TTC7A: variants seen among roughly 807,000 people sequenced by gnomAD.
TTC7A encodes tetratricopeptide repeat protein 7A.
Under a neutral mutation model 103.7 loss-of-function variants are expected in TTC7A, and 110 were observed. The ratio of observed to expected loss-of-function variants is 1.06; its 90% confidence interval spans 0.91 to 1.24. TTC7A has a LOEUF of 1.24. Ranked by LOEUF, TTC7A falls within the 50% of genes most tolerant of loss-of-function variation. TTC7A has a pLI of 0.00. For synonymous variants in TTC7A, 521 were observed against 467.9 expected, an observed-to-expected ratio of 1.11 and a Z score of -1.47; for missense variants, 1,340 against 1,116.3, an observed-to-expected ratio of 1.20 and a Z score of -2.86.
chr2:47,061,997 C>A (rs1198155602), intron 19 of TTC7A, among the ~76,000 whole-genome samples: 1 of 152,192 alleles, frequency 6.6e-6, no homozygotes, highest in African/African-American at 2.4e-5. Context: ...GTATCCCTGA[C>A]GTCTTCTGGC....
chr2:46,966,902 T>G (rs1672905001), intron 3 of TTC7A, among the ~76,000 whole-genome samples: 1 of 150,770 alleles, frequency 6.6e-6, no homozygotes, highest in Admixed American at 6.6e-5. Context: ...TGTTTTTTGT[T>G]TTTTTTTTTT....
At chr2:46,926,070 G>A (rs1157088398) in intron 2 of TTC7A, among the ~76,000 whole-genome samples, 2 of 152,132 alleles carry the variant, frequency 1.3e-5, no homozygotes, top group South Asian at 2.1e-4. Flanking sequence ...TCTTATTTCT[G>A]TGTCTGTTTT....
At chr2:46,973,171 G>C (rs1343677922) in intron 3 of TTC7A, among the ~76,000 whole-genome samples, 1 of 152,156 alleles carries the variant, frequency 6.6e-6, no homozygotes, top group Non-Finnish European at 1.5e-5. Context: ...TTAAATCCAA[G>C]GCCCAGGAGC....
At chr2:47,069,458 C>A (rs1280903125) in intron 19 of TTC7A, among the ~76,000 whole-genome samples, 1 of 152,288 alleles carries the variant, frequency 6.6e-6, no homozygotes, top group Non-Finnish European at 1.5e-5. Flanking sequence ...TGAGTCTGGG[C>A]TCTTCTCAGC....
At chr2:46,929,247 G>A (rs1488868049) in intron 2 of TTC7A, among the ~76,000 whole-genome samples, 1 of 152,144 alleles carries the variant, frequency 6.6e-6, no homozygotes, top group Non-Finnish European at 1.5e-5. Flanking sequence ...ACTTTGGGAA[G>A]CTAAGGTAGG....
chr2:46,954,422 T>C (rs1671666404), intron 2 of TTC7A, among the ~76,000 whole-genome samples: 1 of 152,116 alleles, frequency 6.6e-6, no homozygotes, highest in South Asian at 2.1e-4. Flanking sequence ...CAGAGTGCAG[T>C]GGACTCTTAA....
chr2:46,920,999 C>T (rs1333499490), intron 2 of TTC7A, among the ~76,000 whole-genome samples: 2 of 151,232 alleles, frequency 1.3e-5, no homozygotes, highest in Non-Finnish European at 2.9e-5. Context: ...TTTCAGCAAA[C>T]TGAGAATAGA....
chr2:47,067,271 G>A (rs1212503447), intron 19 of TTC7A, among the ~76,000 whole-genome samples: 2 of 152,246 alleles, frequency 1.3e-5, no homozygotes, highest in Non-Finnish European at 2.9e-5. Context: ...TCAAGGAGCA[G>A]TTTTAGGGCT....
intron 1 of TTC7A, among the ~76,000 whole-genome samples, chr2:46,945,527 C>T (rs1670860098): frequency 1.3e-5 from 2 of 152,180 alleles, no homozygotes; most frequent in African/African-American, 4.8e-5. Context: ...GGATTACGGG[C>T]GTGAGCCACC....
intron 18 of TTC7A, among the ~76,000 whole-genome samples, chr2:47,054,878 G>T (rs1033642482): frequency 1.3e-5 from 2 of 151,368 alleles, no homozygotes; most frequent in Non-Finnish European, 2.9e-5. Context: ...GCTAGAAGAA[G>T]GGGAGAATAC....
intron 3 of TTC7A, among the ~76,000 whole-genome samples, chr2:46,971,250 G>A (rs1271272648): frequency 2.6e-5 from 4 of 152,242 alleles, no homozygotes; most frequent in Non-Finnish European, 4.4e-5. Flanking sequence ...GGGGCTTAAA[G>A]GAGGAATGTT....
At chr2:47,065,734 G>T (rs968535973) in intron 19 of TTC7A, 1 of 152,210 alleles carries the variant, frequency 6.6e-6, no homozygotes, top group Non-Finnish European at 1.5e-5. Flanking sequence ...CCTGAAGAAG[G>T]TCCTAGCCCT....
At chr2:46,945,537 C>T (rs1475364817) in intron 1 of TTC7A, among the ~76,000 whole-genome samples, 2 of 152,204 alleles carry the variant, frequency 1.3e-5, no homozygotes, top group Admixed American at 6.5e-5. Flanking sequence ...CGTGAGCCAC[C>T]GTGCCCAGCT....
intron 3 of TTC7A, among the ~76,000 whole-genome samples, chr2:46,965,379 A>G (rs1210063927): frequency 2.0e-5 from 3 of 152,114 alleles, no homozygotes; most frequent in African/African-American, 7.2e-5. Context: ...TGTGCCTCAC[A>G]TGGACAGGAG....
intron 14 of TTC7A, among the ~76,000 whole-genome samples, chr2:47,024,681 TC>T (rs1375213695): frequency 6.6e-6 from 1 of 152,084 alleles, no homozygotes; most frequent in Non-Finnish European, 1.5e-5. Flanking sequence ...CACTGGCTTT[TC>T]CCCAAGGGTC....
intron 4 of TTC7A, among the ~76,000 whole-genome samples, 198 bp downstream of exon 4, chr2:46,975,301 A>T (rs987953038): frequency 6.6e-6 from 1 of 152,202 alleles, no homozygotes; most frequent in Admixed American, 6.5e-5. Context: ...TTACTGGAAA[A>T]TAGTTTGATA....
At chr2:46,932,230 A>T (rs960074062) in intron 2 of TTC7A, among the ~76,000 whole-genome samples, 3 of 151,754 alleles carry the variant, frequency 2.0e-5, no homozygotes, top group African/African-American at 7.3e-5. Context: ...GCTCACTGCA[A>T]CCTCTTCCTC....
intron 14 of TTC7A, among the ~76,000 whole-genome samples, chr2:47,027,206 T>C (rs1680012252): frequency 1.3e-5 from 2 of 152,156 alleles, no homozygotes; most frequent in African/African-American, 4.8e-5. Context: ...ATTCCCTGCA[T>C]CCTGGGGAAT....
chr2:47,041,315 C>T (rs1681721236), intron 15 of TTC7A, among the ~76,000 whole-genome samples: 1 of 152,216 alleles, frequency 6.6e-6, no homozygotes, highest in Non-Finnish European at 1.5e-5. Flanking sequence ...GTGCCAGACG[C>T]TGGGGGAGGG....
Sources: allele counts gnomAD v4.1 joint callset (sites outside exome capture counted in the v4.1 genomes callset), GRCh38; gene constraint gnomAD v4.1.1; transcripts MANE v1.5; gene names NCBI Gene and HGNC (gene_info 2026-07-23, HGNC 2026-07-21).